Variants in PGBD5 observed in about 807,000 individuals in gnomAD.
PGBD5 encodes the protein piggyBac transposable element derived 5.
PGBD5 carries 14 observed loss-of-function variants against 47.9 expected under a neutral mutation model. That is an observed-to-expected ratio of 0.29 (90% CI 0.19 to 0.46). The LOEUF is 0.46. PGBD5 is among the 20% of genes least tolerant of loss of function. PGBD5 has a pLI of 1.00. For missense variants in PGBD5, 635 were observed against 716.0 expected (o/e 0.89, Z 1.29); for synonymous variants, 316 against 306.3 (o/e 1.03, Z -0.33).
At chr1:230,405,717 C>A (rs1657283584) in intron 1 of PGBD5, among the ~76,000 whole-genome samples, 1 of 152,132 alleles carries the variant, frequency 6.6e-6, no homozygotes. Context: ...AGAACCAAGA[C>A]CCTACAGTGA....
chr1:230,332,183 TTCG>T (rs1431284988), intron 5 of PGBD5, among the ~76,000 whole-genome samples: 3 of 152,182 alleles, frequency 2.0e-5, no homozygotes, highest in South Asian at 2.1e-4. Context: ...TTCTACCTCA[TTCG>T]TCGTCATTTG....
At position 230,315,755 on chromosome 1, in the gene PGBD5, A is replaced by T. The variant is rs1053904803; in HGVS notation, c.*7670T>A. The T allele has an allele frequency of 7.6e-6, 1 of 131,608 alleles. No individual in the cohort carries two copies. 8.2% of individuals were successfully genotyped at this position (131,608 alleles called of 1,614,324 possible). On this transcript the variant is annotated 3_prime_UTR_variant, in exon 7 of 7. Coordinates refer to ENST00000391860, the MANE Select transcript of PGBD5 (RefSeq NM_001258311.2). Reference sequence around the variant, plus strand: ...GTGGACACTGTATGTGTATATATACACATACATATATTATAGATGTATGCA... The same window carrying T: ...GTGGACACTGTATGTGTATATATACTCATACATATATTATAGATGTATGCA...
Position 230,315,899 on chromosome 1 carries a change from TAC to T in PGBD5, c.*7524_*7525del, listed in dbSNP as rs529598907. On this transcript the variant is annotated 3_prime_UTR_variant, in exon 7 of 7. Transcript: ENST00000391860. ...ATATGGATACATACATATTTATGTGTACACATATATGTATATGTGTATATGTG... is the reference window on the plus strand; with the variant it reads ...ATATGGATACATACATATTTATGTGTACATATATGTATATGTGTATATGTG... 2.5e-4 allele frequency: 38 copies of T among 150,556 alleles called. 2 individuals are homozygous for T. Among genetic ancestry groups the T allele is most frequent in the African/African-American group, 7.6e-4 (31 of 40,898 alleles). The allele number at this position is 150,556 out of a possible 1,614,324, so 9.3% of individuals were successfully genotyped here.
rs1046542972 is a variant in PGBD5 at position 230,355,690 on chromosome 1, G to A, written c.759+1204C>T. On this transcript the variant is annotated intron_variant, in intron 2 of 6. Coordinates refer to ENST00000391860, the MANE Select transcript of PGBD5 (RefSeq NM_001258311.2). ...CTGGCTGCCCCATCAATAGTGGGGG[G>A]AATTCAGATAACAGGGAATCCACAC... Among the ~76,000 whole-genome samples the A allele has an allele frequency of 3.9e-5, 6 of 152,302 alleles. No homozygotes were observed. The East Asian group carries it at 9.7e-4, about 25-fold the overall frequency.
At position 230,351,110 on chromosome 1, in the gene PGBD5, G is replaced by A; in HGVS notation, c.760-18C>T. On this transcript the variant is annotated intron_variant, in intron 2 of 6. Coordinates refer to ENST00000391860, the MANE Select transcript of PGBD5 (RefSeq NM_001258311.2). ...TGTAGCACCTGCCAGGAGGGAAAAA[G>A]CAGAGGCTCTCACGGAAGGCAGCAT... 6.2e-7 allele frequency: 1 copy of A among 1,606,846 alleles called. No individual in the cohort carries two copies. Among genetic ancestry groups the A allele is most frequent in the Non-Finnish European group, 8.5e-7 (1 of 1,177,160 alleles).
In PGBD5 at chr1:230,425,999, C is replaced by A; in HGVS notation, c.-71G>T. On this transcript the variant is annotated 5_prime_UTR_variant, in exon 1 of 7. Transcript: ENST00000391860. This position sits in a 1 kb window ranked among gnomAD's most constrained non-coding sequence, Gnocchi z 4.7. Reference sequence around the variant, plus strand: ...CCGCACACGCCGGGCCCTGGGCCCGCGCCGCGGCCCGCCGCCCCCCACCAG... The same window carrying A: ...CCGCACACGCCGGGCCCTGGGCCCGAGCCGCGGCCCGCCGCCCCCCACCAG... 1 of 697,710 alleles carries A rather than the reference C, an allele frequency of 1.4e-6. No homozygotes were observed. The highest frequency in any genetic ancestry group is 1.8e-6 in the Non-Finnish European group (1 of 570,322). The allele number at this position is 697,710 out of a possible 1,614,324, so 43.2% of individuals were successfully genotyped here. A position where few individuals can be genotyped will look rare whatever the true frequency, so the allele number is the denominator to read the frequency against.
At chr1:230,394,409 C>G (rs1236394655) in intron 1 of PGBD5, among the ~76,000 whole-genome samples, 1 of 150,780 alleles carries the variant, frequency 6.6e-6, no homozygotes. Flanking sequence ...TCCTCCCCCG[C>G]TGCCCACACC....
chr1:230,415,273 TA>T (rs36018440), intron 1 of PGBD5, among the ~76,000 whole-genome samples: 61,709 of 143,598 alleles, frequency 0.43, 13,477 homozygotes, highest in Admixed American at 0.55. Context: ...AGACTCTGTC[TA>T]AAAAAAAAAA....
intron 1 of PGBD5, among the ~76,000 whole-genome samples, chr1:230,402,325 G>A (rs111424581): frequency 0.018 from 2,710 of 152,328 alleles, 42 homozygotes; most frequent in African/African-American, 0.028. Flanking sequence ...GCCTCTCCTC[G>A]CTGCCCTCGA....
chr1:230,371,966 A>G (rs949368982), intron 1 of PGBD5, among the ~76,000 whole-genome samples: 1 of 152,164 alleles, frequency 6.6e-6, no homozygotes, highest in Non-Finnish European at 1.5e-5. Context: ...TTGGGAATGG[A>G]AGAGGAGGGG....
chr1:230,329,376 T>A (rs1413247251), intron 5 of PGBD5, among the ~76,000 whole-genome samples: 1 of 152,234 alleles, frequency 6.6e-6, no homozygotes, highest in Non-Finnish European at 1.5e-5. Flanking sequence ...AAAATGTTCA[T>A]ACCTAGTTAC....
chr1:230,393,563 C>T (rs990999978), intron 1 of PGBD5, among the ~76,000 whole-genome samples: 3 of 152,068 alleles, frequency 2.0e-5, no homozygotes, highest in East Asian at 1.9e-4. Flanking sequence ...ATAGGCCGGG[C>T]GCGGTGGCTC....
intron 2 of PGBD5, among the ~76,000 whole-genome samples, chr1:230,353,940 A>G (rs2102703528): frequency 6.6e-6 from 1 of 152,314 alleles, no homozygotes; most frequent in Middle Eastern, 3.4e-3. Context: ...CTCTGAGAAG[A>G]GCATAAATGC....
chr1:230,332,803 C>T (rs1290160683), intron 5 of PGBD5, 41 bp downstream of exon 5: 2 of 1,610,486 alleles, frequency 1.2e-6, no homozygotes, highest in Admixed American at 1.7e-5. Context: ...CTCAACCAAT[C>T]CCCGCGCGCC....
At chr1:230,332,809 G>T (rs377410735) in intron 5 of PGBD5, 35 bp downstream of exon 5, 11 of 1,612,528 alleles carry the variant, frequency 6.8e-6, no homozygotes, top group African/African-American at 2.7e-5. Context: ...CAATCCCCGC[G>T]CGCCCCACTG....
At chr1:230,324,502 C>G (rs939817276) in intron 6 of PGBD5, among the ~76,000 whole-genome samples, 7 of 152,186 alleles carry the variant, frequency 4.6e-5, no homozygotes, top group Non-Finnish European at 1.0e-4. Flanking sequence ...CTTTCACACA[C>G]AGGCTGAGTT....
intron 3 of PGBD5, among the ~76,000 whole-genome samples, chr1:230,347,837 C>T (rs1236298965): frequency 2.0e-5 from 3 of 152,156 alleles, no homozygotes. Context: ...GGGTCTCAAA[C>T]AGCTACAAAA....
chr1:230,315,488 C>G lies in PGBD5; in HGVS notation c.*7937G>C, dbSNP rs1215264906. The G allele has an allele frequency of 6.6e-6, 1 of 152,380 alleles. No individual in the cohort carries two copies. Among genetic ancestry groups the G allele is most frequent in the Non-Finnish European group, 1.5e-5 (1 of 68,214 alleles). 9.4% of individuals were successfully genotyped at this position (152,380 alleles called of 1,614,324 possible). ...GGAACACTGCTTCACCAGCCCATCA[C>G]CCCAGCCCTGTGGACTGCTCCTCCC... On this transcript the variant is annotated 3_prime_UTR_variant, in exon 7 of 7. Coordinates refer to ENST00000391860, the MANE Select transcript of PGBD5 (RefSeq NM_001258311.2).
At chr1:230,407,604 T>A (rs1438423701) in intron 1 of PGBD5, among the ~76,000 whole-genome samples, 2 of 152,182 alleles carry the variant, frequency 1.3e-5, no homozygotes, top group East Asian at 1.9e-4. Flanking sequence ...ATCAAACTGA[T>A]GTGTCATGAG....
Sources: allele counts gnomAD v4.1 joint callset (sites outside exome capture counted in the v4.1 genomes callset), GRCh38; gene constraint gnomAD v4.1.1; non-coding constraint Gnocchi (gnomAD v3.1); transcripts MANE v1.5; gene names NCBI Gene and HGNC (gene_info 2026-07-23, HGNC 2026-07-21).